Variants in BLTP3B observed in about 807,000 individuals in gnomAD.
BLTP3B encodes bridge-like lipid transfer protein family member 3B.
the BLTP3B span, among the ~76,000 whole-genome samples, chr12:100,068,841 T>C: frequency 6.6e-6 from 1 of 152,144 alleles, no homozygotes; most frequent in Non-Finnish European, 1.5e-5. Context: ...CAAAAAATAG[T>C]ACATGTTGGC....
chr12:100,058,322 G>A, the BLTP3B span: 1 of 1,613,584 alleles, frequency 6.2e-7, no homozygotes, highest in Non-Finnish European at 8.5e-7. Flanking sequence ...AGCCACTTTT[G>A]TAAACAAGTC....
chr12:100,112,464 G>T, the BLTP3B span, among the ~76,000 whole-genome samples: 3 of 152,052 alleles, frequency 2.0e-5, no homozygotes, highest in Non-Finnish European at 2.9e-5. Context: ...CCATAATTTT[G>T]CCACTGCACT....
the BLTP3B span, among the ~76,000 whole-genome samples, chr12:100,133,090 A>C: frequency 6.6e-6 from 1 of 152,098 alleles, no homozygotes; most frequent in Non-Finnish European, 1.5e-5. Context: ...AAAATAAAAA[A>C]ATTTAGCTGG....
chr12:100,142,849 T>G, the BLTP3B span: 2 of 538,134 alleles, frequency 3.7e-6, no homozygotes, highest in Non-Finnish European at 6.1e-6. Flanking sequence ...GGCGCCATCT[T>G]GGCTGCAGCA....
chr12:100,058,198 T>C, the BLTP3B span: 2 of 1,613,032 alleles, frequency 1.2e-6, no homozygotes, highest in African/African-American at 1.3e-5. Flanking sequence ...ATGTTTTGAT[T>C]ACCATCACTA....
the BLTP3B span, among the ~76,000 whole-genome samples, chr12:100,074,629 A>G: frequency 1.3e-5 from 2 of 151,944 alleles, no homozygotes; most frequent in Non-Finnish European, 2.9e-5. Context: ...TGCTGAAAAC[A>G]ATATACAGAC....
At chr12:100,135,943 T>A in the BLTP3B span, among the ~76,000 whole-genome samples, 2 of 152,300 alleles carry the variant, frequency 1.3e-5, no homozygotes, top group African/African-American at 2.4e-5. Context: ...CCAGGCACGG[T>A]GGCTCATGCC....
chr12:100,042,148 T>C, the BLTP3B span, among the ~76,000 whole-genome samples: 1 of 152,144 alleles, frequency 6.6e-6, no homozygotes, highest in African/African-American at 2.4e-5. Flanking sequence ...TGTTCATGGA[T>C]TGGAAGATTT....
At chr12:100,135,151 C>T in the BLTP3B span, among the ~76,000 whole-genome samples, 1 of 152,182 alleles carries the variant, frequency 6.6e-6, no homozygotes, top group Non-Finnish European at 1.5e-5. Flanking sequence ...TTACTCTCTC[C>T]ACCTATATTG....
the BLTP3B span, among the ~76,000 whole-genome samples, chr12:100,115,000 C>T: frequency 9.9e-5 from 15 of 152,144 alleles, no homozygotes; most frequent in African/African-American, 3.4e-4. Context: ...TTTTACATAA[C>T]CTAAGGCAAG....
chr12:100,083,917 G>A, the BLTP3B span, among the ~76,000 whole-genome samples: 2 of 152,182 alleles, frequency 1.3e-5, no homozygotes, highest in African/African-American at 2.4e-5. Flanking sequence ...GGCCGGGCGT[G>A]GTGGCTCACG....
chr12:100,139,877 G>A, the BLTP3B span, among the ~76,000 whole-genome samples: 1 of 152,166 alleles, frequency 6.6e-6, no homozygotes, highest in African/African-American at 2.4e-5. Flanking sequence ...CAAGCAAGAG[G>A]ACTGGCAATA....
At chr12:100,050,848 GA>G in the BLTP3B span, among the ~76,000 whole-genome samples, 2 of 151,470 alleles carry the variant, frequency 1.3e-5, no homozygotes, top group African/African-American at 2.4e-5. Context: ...AAGCAATACA[GA>G]AAAAAGAAAG....
chr12:100,122,629 G>C, the BLTP3B span, among the ~76,000 whole-genome samples: 71 of 152,224 alleles, frequency 4.7e-4, 1 homozygote, highest in African/African-American at 1.6e-3. Context: ...TAGCTCCTAA[G>C]AAAACTAATG....
At chr12:100,082,967 G>A in the BLTP3B span, 3 of 1,348,236 alleles carry the variant, frequency 2.2e-6, no homozygotes, top group East Asian at 6.9e-5. Flanking sequence ...TTGCTTAGAT[G>A]AGATACTAAA....
chr12:100,121,090 G>A, the BLTP3B span, among the ~76,000 whole-genome samples: 10 of 152,172 alleles, frequency 6.6e-5, no homozygotes, highest in Non-Finnish European at 1.0e-4. Context: ...GCACACGCCT[G>A]TAATCCCAGC....
chr12:100,053,427 G>C, the BLTP3B span, among the ~76,000 whole-genome samples: 1 of 151,962 alleles, frequency 6.6e-6, no homozygotes, highest in South Asian at 2.1e-4. Flanking sequence ...TATATTTTTT[G>C]GCTACAGAAT....
At chr12:100,042,999 A>T in the BLTP3B span, among the ~76,000 whole-genome samples, 2 of 152,168 alleles carry the variant, frequency 1.3e-5, no homozygotes, top group Non-Finnish European at 2.9e-5. Flanking sequence ...GGGTTTCACC[A>T]TGTTGGCCAG....
chr12:100,083,772 CCTT>C, the BLTP3B span, among the ~76,000 whole-genome samples: 3 of 151,026 alleles, frequency 2.0e-5, no homozygotes, highest in Non-Finnish European at 4.4e-5. Context: ...AAAAAAGAAA[CCTT>C]CTAGAAAAAT....
Sources: gnomAD v4.1 joint callset for allele counts (sites outside exome capture counted in the v4.1 genomes callset) on GRCh38, gnomAD v4.1.1 for gene constraint, MANE v1.5 for transcripts, NCBI Gene and HGNC (gene_info 2026-07-23, HGNC 2026-07-21) for gene names.